The following RAB8B variants were observed in gnomAD, a reference collection of about 807,000 sequenced individuals.
The protein encoded by RAB8B is RAB8B, member RAS oncogene family, also known as ras-related protein Rab-8B.
RAB8B carries 11 observed loss-of-function variants against 32.0 expected under a neutral mutation model. The ratio of observed to expected loss-of-function variants is 0.34; its 90% CI spans 0.22 to 0.57. The LOEUF is 0.57. Among genes scored for constraint, RAB8B ranks in the 20% least tolerant of loss-of-function variants. The pLI, the probability that RAB8B is intolerant of heterozygous loss-of-function variation, is 0.86. For missense variants in RAB8B, 190 were observed against 258.5 expected (o/e 0.73, Z 1.82); for synonymous variants, 103 against 89.6 (o/e 1.15, Z -0.85).
intron 7 of RAB8B, 108 bp from the exon 8 acceptor site, chr15:63,263,418 CT>C: frequency 1.8e-6 from 1 of 553,500 alleles, no homozygotes; most frequent in Non-Finnish European, 2.8e-6. Context: ...ACACATTTCA[CT>C]AGAATACACA....
chr15:63,191,363 T>C (rs2037554785), intron 1 of RAB8B, among the ~76,000 whole-genome samples: 1 of 152,244 alleles, frequency 6.6e-6, no homozygotes, highest in South Asian at 2.1e-4. Context: ...GTTTGTTTGC[T>C]CATTCTGGAT....
intron 1 of RAB8B, among the ~76,000 whole-genome samples, chr15:63,232,282 A>G (rs1470887856): frequency 1.3e-5 from 2 of 152,198 alleles, no homozygotes; most frequent in Non-Finnish European, 2.9e-5. Flanking sequence ...GGTTAATTAG[A>G]TCATTATATT....
At chr15:63,253,175 A>G (rs1305591515) in intron 3 of RAB8B, among the ~76,000 whole-genome samples, 1 of 152,228 alleles carries the variant, frequency 6.6e-6, no homozygotes. Flanking sequence ...TTGTCATTTA[A>G]ACAATAATGT....
At chr15:63,223,657 T>A (rs73441219) in intron 1 of RAB8B, among the ~76,000 whole-genome samples, 83 of 152,320 alleles carry the variant, frequency 5.4e-4, no homozygotes, top group African/African-American at 1.9e-3. Flanking sequence ...CGTCTGGTTG[T>A]TAAGTGACAC....
chr15:63,209,127 G>A (rs975743262), intron 1 of RAB8B, among the ~76,000 whole-genome samples: 5 of 151,876 alleles, frequency 3.3e-5, no homozygotes, highest in Admixed American at 6.6e-5. Flanking sequence ...CTGAGCTCAC[G>A]CAATCTACCT....
At chr15:63,249,116 T>G (rs547120485) in intron 2 of RAB8B, among the ~76,000 whole-genome samples, 1 of 152,300 alleles carries the variant, frequency 6.6e-6, no homozygotes, top group East Asian at 1.9e-4. Context: ...CAGGTCCCCA[T>G]GAAATCATGG....
intron 1 of RAB8B, among the ~76,000 whole-genome samples, chr15:63,244,122 AG>A (rs1240158685): frequency 3.9e-5 from 6 of 152,198 alleles, no homozygotes; most frequent in African/African-American, 1.4e-4. Flanking sequence ...TGAGTTTTGG[AG>A]GGGACTTTCA....
At chr15:63,238,725 C>A (rs1245359896) in intron 1 of RAB8B, among the ~76,000 whole-genome samples, 1 of 152,032 alleles carries the variant, frequency 6.6e-6, no homozygotes, top group African/African-American at 2.4e-5. Flanking sequence ...CTATTTTTAG[C>A]AGCCTATGGA....
intron 1 of RAB8B, among the ~76,000 whole-genome samples, chr15:63,195,630 A>T (rs2037593772): frequency 6.6e-6 from 1 of 152,234 alleles, no homozygotes; most frequent in African/African-American, 2.4e-5. Flanking sequence ...AGAACCATAG[A>T]TCCTGAAGTG....
In RAB8B at chr15:63,246,025, A is replaced by G. The variant is rs1049641842; in HGVS notation, c.185+1209A>G. ...GTAGCTGGGATTACAGGCATGCGCTACCACGCCCTGCTATTTTTTTGTATT... is the reference window on the plus strand; with the variant it reads ...GTAGCTGGGATTACAGGCATGCGCTGCCACGCCCTGCTATTTTTTTGTATT... On this transcript the variant is annotated intron_variant, in intron 2 of 7. Transcript: ENST00000321437. Among the ~76,000 whole-genome samples, 6 of 152,242 alleles carry G rather than the reference A, an allele frequency of 3.9e-5. No homozygotes were observed. The East Asian group carries it at 9.6e-4, about 24-fold the overall frequency.
At chr15:63,190,656 G>C (rs1434508455) in intron 1 of RAB8B, among the ~76,000 whole-genome samples, 1 of 152,226 alleles carries the variant, frequency 6.6e-6, no homozygotes, top group Non-Finnish European at 1.5e-5. Flanking sequence ...TGTTCTGTGA[G>C]TGTTAATGGA....
chr15:63,252,460 ACT>A (rs2038124140), intron 3 of RAB8B, among the ~76,000 whole-genome samples: 1 of 152,058 alleles, frequency 6.6e-6, no homozygotes, highest in Non-Finnish European at 1.5e-5. Flanking sequence ...GAAGCCTCAG[ACT>A]CTAGCCTGCG....
chr15:63,231,304 C>G (rs1212073321), intron 1 of RAB8B, among the ~76,000 whole-genome samples: 2 of 151,896 alleles, frequency 1.3e-5, no homozygotes, highest in Non-Finnish European at 2.9e-5. Context: ...TTTCATTTAC[C>G]TCTAAATGAA....
At chr15:63,228,146 A>G (rs573380423) in intron 1 of RAB8B, among the ~76,000 whole-genome samples, 1 of 152,216 alleles carries the variant, frequency 6.6e-6, no homozygotes, top group South Asian at 2.1e-4. Context: ...CCTCCTAAGT[A>G]GTTGGGACTA....
At position 63,204,084 on chromosome 15, in the gene RAB8B, TG is replaced by T. The variant is rs539661279; in HGVS notation, c.124+14337del. On this transcript the variant is annotated intron_variant, in intron 1 of 7. Coordinates refer to ENST00000321437, the MANE Select transcript of RAB8B (RefSeq NM_016530.3). ...CAGTCAGGCTCAGTATAAGGTGAGG[TG>T]TTTTTTTTTTAATCCAGGTAACATA... is the stretch of plus-strand genomic sequence containing the variant. Among the ~76,000 whole-genome samples the T allele has an allele frequency of 1.4e-4, 22 of 152,038 alleles. No homozygotes were observed. The East Asian group carries it at 3.5e-3, about 24-fold the overall frequency.
intron 1 of RAB8B, among the ~76,000 whole-genome samples, chr15:63,197,505 C>A (rs1390210772): frequency 6.6e-6 from 1 of 151,212 alleles, no homozygotes; most frequent in Non-Finnish European, 1.5e-5. Flanking sequence ...TCTGGAGTAG[C>A]TGGGACCCCG....
intron 1 of RAB8B, among the ~76,000 whole-genome samples, chr15:63,214,410 G>A (rs1473269037): frequency 6.8e-6 from 1 of 148,044 alleles, no homozygotes; most frequent in African/African-American, 2.5e-5. Context: ...TCCTGCCTCA[G>A]CCTCCCGGGT....
chr15:63,189,754 G>C lies in RAB8B; in HGVS notation c.124+6G>C. 6.3e-7 allele frequency: 1 copy of C among 1,589,922 alleles called. No homozygotes were observed. The highest frequency in any genetic ancestry group is 8.6e-7 in the Non-Finnish European group (1 of 1,166,334). Reference sequence around the variant, plus strand: ...CACCTTCATCTCCACCATCGGTGAGGGAGGGGCCGCGGCCCGGGACCGGGT... The same window carrying C: ...CACCTTCATCTCCACCATCGGTGAGCGAGGGGCCGCGGCCCGGGACCGGGT... On this transcript the variant is annotated splice_donor_region_variant and intron_variant, in intron 1 of 7. Transcript: ENST00000321437.
intron 3 of RAB8B, among the ~76,000 whole-genome samples, chr15:63,251,504 C>T (rs2038116487): frequency 6.6e-6 from 1 of 152,082 alleles, no homozygotes; most frequent in Non-Finnish European, 1.5e-5. Context: ...GGATGTCTGG[C>T]TCTAGTTCAT....
Sources: gnomAD v4.1 joint callset for allele counts (sites outside exome capture counted in the v4.1 genomes callset) on GRCh38, gnomAD v4.1.1 for gene constraint, MANE v1.5 for transcripts, NCBI Gene and HGNC (gene_info 2026-07-23, HGNC 2026-07-21) for gene names.